Variants in ATG2B observed in about 807,000 individuals in gnomAD.
ATG2B encodes the protein autophagy related 2B.
In ATG2B, 121 loss-of-function variants were observed where a neutral mutation model predicts 241.3. That is an observed-to-expected ratio of 0.50 (90% confidence interval 0.43 to 0.58). The LOEUF (loss-of-function observed/expected upper bound fraction) is 0.58, where lower values mean the gene tolerates loss of function less well. Ranked by LOEUF, ATG2B falls within the 20% of genes least tolerant of loss-of-function variation. ATG2B has a pLI of 0.00. For missense variants in ATG2B, 2,306 were observed against 2,491.6 expected (o/e 0.93, Z 1.59); for synonymous variants, 858 against 876.6 (o/e 0.98, Z 0.37).
intron 23 of ATG2B, among the ~76,000 whole-genome samples, chr14:96,313,881 A>C (rs1037459159): frequency 2.6e-5 from 4 of 152,204 alleles, no homozygotes; most frequent in Admixed American, 2.0e-4. Flanking sequence ...TTCTCAGAAA[A>C]AATAAATTTT....
rs1241227983 is a variant in ATG2B at position 96,289,624 on chromosome 14, G to T, written c.6006+32C>A. 2.5e-6 allele frequency: 4 copies of T among 1,612,664 alleles called. No homozygotes were observed. The highest frequency in any genetic ancestry group is 1.3e-5 in the African/African-American group (1 of 74,862). ...GAAAGTTGGGAAAGCGCACAGAAGG[G>T]TTCTGATGTGTCCACCCAAGTATTC... On this transcript the variant is annotated intron_variant, in intron 41 of 41. Coordinates refer to ENST00000359933, the MANE Select transcript of ATG2B (RefSeq NM_018036.7). This position sits in a 1 kb window ranked among gnomAD's most constrained non-coding sequence, Gnocchi z 4.3.
Position 96,317,167 on chromosome 14 carries a change from A to G in ATG2B, c.3188T>C (p.Ile1063Thr), listed in dbSNP as rs1887337195. ...CACCTTCACATCTGTGAACACTGCT[A>G]TTAATCCATGATTAATATTCAGAAG... ...SVLLNINHGL[I>T]AVFTDVKQDN... The change falls in exon 20 of 42, where the codon ATA (isoleucine) becomes ACA (threonine). Residue 1063 changes from isoleucine (I) to threonine (T), a missense_variant. By Grantham distance (89) the Ile-to-Thr change is moderately conservative. Coordinates refer to ENST00000359933, the MANE Select transcript of ATG2B (RefSeq NM_018036.7). 6.2e-7 allele frequency: 1 copy of G among 1,612,968 alleles called. No homozygotes were observed.
At position 96,289,812 on chromosome 14, in the gene ATG2B, CA is replaced by C; in HGVS notation, c.5857-8del. Reference sequence around the variant, plus strand: ...AAGCAGTCTCTGCAGCTGCCTGGATCATTTTGTCAAAAGGAAGAAATGAATT... The same window carrying C: ...AAGCAGTCTCTGCAGCTGCCTGGATCTTTTGTCAAAAGGAAGAAATGAATT... On this transcript the variant is annotated splice_region_variant and splice_polypyrimidine_tract_variant and intron_variant, in intron 40 of 41. Transcript: ENST00000359933. The surrounding 1 kb of genome is among the most constrained non-coding windows in gnomAD (Gnocchi z 4.3). 1 of 1,613,710 alleles carries C rather than the reference CA, an allele frequency of 6.2e-7. No homozygotes were observed. The highest frequency in any genetic ancestry group is 2.2e-5 in the East Asian group (1 of 44,878).
chr14:96,307,327 T>C (rs894885180), intron 29 of ATG2B, among the ~76,000 whole-genome samples: 1 of 152,028 alleles, frequency 6.6e-6, no homozygotes, highest in East Asian at 1.9e-4. Context: ...AGGAGAATTG[T>C]TTGAAGCCGG....
intron 36 of ATG2B, among the ~76,000 whole-genome samples, chr14:96,293,824 A>G (rs1292227728): frequency 1.3e-5 from 2 of 152,176 alleles, no homozygotes; most frequent in African/African-American, 4.8e-5. Flanking sequence ...TTAAACGTAA[A>G]TAAATGGGTA....
rs1050411570 is a variant in ATG2B, at chr14:96,280,670, GA to G, written c.*5084del. 2 of 152,128 alleles carry G rather than the reference GA, an allele frequency of 1.3e-5. No homozygotes were observed. Among genetic ancestry groups the G allele is most frequent in the African/African-American group, 4.8e-5 (2 of 41,414 alleles). The allele number at this position is 152,128 out of a possible 1,614,324, so 9.4% of individuals were successfully genotyped here. A position where few individuals can be genotyped will look rare whatever the true frequency, so the allele number is the denominator to read the frequency against. Reference sequence around the variant, plus strand: ...TTGGAGGCTGAGGTCAAGAGTTCGAGACCAGGCTGAGGTTAACCTGGCCAAC... The same window carrying G: ...TTGGAGGCTGAGGTCAAGAGTTCGAGCCAGGCTGAGGTTAACCTGGCCAAC... On this transcript the variant is annotated 3_prime_UTR_variant, in exon 42 of 42. Coordinates refer to ENST00000359933, the MANE Select transcript of ATG2B (RefSeq NM_018036.7).
chr14:96,299,833 T>A (rs1316651676), intron 34 of ATG2B, among the ~76,000 whole-genome samples: 4 of 152,202 alleles, frequency 2.6e-5, no homozygotes, highest in African/African-American at 9.6e-5. Context: ...TTAAGAAGAA[T>A]AAGTGGGGAT....
chr14:96,313,410 T>C lies in ATG2B; in HGVS notation c.3668A>G (p.Asp1223Gly). ...AGGATTATATCCCAAAACAGGTTCA[T>C]CAGCAATATTCAAGAAGTATAAAAT... ...EQILYFLNIA[D>G]EPVLGYNPPT... Residue 1223 changes from aspartate (D) to glycine (G), a missense_variant, in exon 24 of 42, where the codon GAT (aspartate) becomes GGT (glycine). Asp to Gly is a moderately conservative substitution (Grantham distance 94). Around this residue, in one of 2 missense-constraint regions of ATG2B, gnomAD observed 1,927 missense variants for 2,011.2 expected, o/e 0.96. Coordinates refer to ENST00000359933, the MANE Select transcript of ATG2B (RefSeq NM_018036.7). The C allele has an allele frequency of 2.5e-6, 4 of 1,577,210 alleles. No individual in the cohort carries two copies. Among genetic ancestry groups the C allele is most frequent in the Non-Finnish European group, 3.4e-6 (4 of 1,166,372 alleles).
chr14:96,351,677 C>T (rs144954592), intron 1 of ATG2B, among the ~76,000 whole-genome samples: 24 of 151,156 alleles, frequency 1.6e-4, no homozygotes, highest in South Asian at 1.0e-3. Context: ...CGGAAGTTAC[C>T]GTGAGCCGAA....
chr14:96,311,302 GA>G lies in ATG2B; in HGVS notation c.3991-16del. On this transcript the variant is annotated splice_polypyrimidine_tract_variant and intron_variant, in intron 27 of 41. Coordinates refer to ENST00000359933, the MANE Select transcript of ATG2B (RefSeq NM_018036.7). ...CGGGGCTCAGTCTGGACAAGACACA[GA>G]AAAAGGGATGAAAATGTTTTCCAAA... is the stretch of plus-strand genomic sequence containing the variant. The G allele has an allele frequency of 6.3e-7, 1 of 1,585,128 alleles. No individual in the cohort carries two copies. Among genetic ancestry groups the G allele is most frequent in the Non-Finnish European group, 8.6e-7 (1 of 1,168,134 alleles).
chr14:96,333,690 C>A lies in ATG2B; in HGVS notation c.1205G>T (p.Arg402Leu). Residue 402 changes from arginine to leucine, a missense_variant and splice_region_variant, in exon 8 of 42, where the codon CGT becomes CTT. By Grantham distance (102) the Arg-to-Leu change is moderately radical (BLOSUM62 -2). This residue lies in a region of ATG2B where 1,927 missense variants were observed against 2,011.2 expected (regional missense o/e 0.96). Coordinates refer to ENST00000359933, the MANE Select transcript of ATG2B (RefSeq NM_018036.7). Reference protein sequence around the residue: ...ETETARTPSSREEEVFFSMAD... With the variant: ...ETETARTPSSLEEEVFFSMAD... The stretch of plus-strand genomic sequence containing the variant: ...TGTCAACAGTTTGAGTTGCTTACCA[C>A]GGCTAGAAGGTGTACGAGCTGTTTC... 6.2e-7 allele frequency: 1 copy of A among 1,612,230 alleles called. No homozygotes were observed. The highest frequency in any genetic ancestry group is 8.5e-7 in the Non-Finnish European group (1 of 1,179,242).
intron 1 of ATG2B, among the ~76,000 whole-genome samples, chr14:96,348,108 A>C (rs1216555527): frequency 6.6e-6 from 1 of 152,240 alleles, no homozygotes; most frequent in Non-Finnish European, 1.5e-5. Context: ...AGATGAATGG[A>C]TAAAGAAAAT....
chr14:96,292,134 A>G (rs763517209), intron 36 of ATG2B, 36 bp from the exon 37 acceptor site: 10 of 1,317,572 alleles, frequency 7.6e-6, no homozygotes, highest in Non-Finnish European at 3.2e-6. Context: ...ATTTACATTT[A>G]CAATTACTAA....
At chr14:96,295,370 CA>C in intron 35 of ATG2B, 111 bp downstream of exon 35, 1 of 869,982 alleles carries the variant, frequency 1.1e-6, no homozygotes. Context: ...ACACAGAACA[CA>C]TTTATGTAAG....
Position 96,289,586 on chromosome 14 carries a change from A to T in ATG2B, c.6006+70T>A. ...CTACAGAATACATTTAAGCCATTAA[A>T]TGCTCTTTAGGTGAAAGTTGGGAAA... On this transcript the variant is annotated intron_variant, in intron 41 of 41. Transcript: ENST00000359933. This position sits in a 1 kb window ranked among gnomAD's most constrained non-coding sequence, Gnocchi z 4.3. The T allele has an allele frequency of 1.9e-6, 3 of 1,563,084 alleles. No individual in the cohort carries two copies. Among genetic ancestry groups the T allele is most frequent in the Non-Finnish European group, 2.6e-6 (3 of 1,149,596 alleles).
intron 28 of ATG2B, among the ~76,000 whole-genome samples, chr14:96,310,611 C>G (rs1464863885): frequency 6.6e-6 from 1 of 152,074 alleles, no homozygotes; most frequent in African/African-American, 2.4e-5. Flanking sequence ...TTCTCTGGGT[C>G]TTATTAATTT....
intron 14 of ATG2B, among the ~76,000 whole-genome samples, chr14:96,326,684 C>G (rs1191117804): frequency 1.3e-5 from 2 of 152,112 alleles, no homozygotes; most frequent in African/African-American, 4.8e-5. Context: ...AATTTCTAAC[C>G]TCCATGATTT....
intron 18 of ATG2B, 99 bp downstream of exon 18, chr14:96,322,013 A>G: frequency 3.5e-6 from 3 of 859,444 alleles, no homozygotes; most frequent in Non-Finnish European, 5.3e-6. Flanking sequence ...GAGATGGCAT[A>G]TAATATTCAG....
At chr14:96,332,468 T>C in intron 9 of ATG2B, 33 bp downstream of exon 9, 1 of 1,612,030 alleles carries the variant, frequency 6.2e-7, no homozygotes, top group East Asian at 2.2e-5. Context: ...AAGCAACTTT[T>C]CAGTCTAGAA....
Sources: gnomAD v4.1 joint callset for allele counts (sites outside exome capture counted in the v4.1 genomes callset) on GRCh38, gnomAD v4.1.1 for gene constraint, gnomAD v4.1.1 regional missense constraint, Gnocchi (gnomAD v3.1) non-coding constraint, MANE v1.5 for transcripts, NCBI Gene and HGNC (gene_info 2026-07-23, HGNC 2026-07-21) for gene names.